The following RBFOX1 variants were observed in gnomAD, a reference collection of about 807,000 sequenced individuals.
RBFOX1 encodes RNA binding fox-1 homolog 1.
RBFOX1 carries 8 observed loss-of-function variants against 57.7 expected under a neutral mutation model. The ratio of observed to expected loss-of-function variants is 0.14; its 90% CI spans 0.08 to 0.25. RBFOX1 has a LOEUF of 0.25. RBFOX1 is among the 10% of genes least tolerant of loss of function. The pLI is 1.00. For synonymous variants in RBFOX1, 326 were observed against 222.4 expected (o/e 1.47, Z -4.15); for missense variants, 611 against 548.5 (o/e 1.11, Z -1.14).
chr16:5,906,662 G>A (rs2058463847), intron 4 of RBFOX1, among the ~76,000 whole-genome samples: 4 of 151,274 alleles, frequency 2.6e-5, no homozygotes, highest in African/African-American at 7.3e-5. Flanking sequence ...TTAACAGAGG[G>A]TTGGCTGCTG....
intron 1 of RBFOX1, among the ~76,000 whole-genome samples, chr16:6,201,810 CATG>C (rs1327196214): frequency 6.6e-6 from 1 of 152,092 alleles, no homozygotes; most frequent in Non-Finnish European, 1.5e-5. Context: ...ATTTTGTGTC[CATG>C]ATAATTAAAA....
At chr16:5,775,447 G>A (rs1469190451) in intron 3 of RBFOX1, among the ~76,000 whole-genome samples, 2 of 152,214 alleles carry the variant, frequency 1.3e-5, no homozygotes, top group Admixed American at 6.5e-5. Flanking sequence ...TCAGAAGGCA[G>A]GGGAAAGTAA....
At chr16:6,609,000 A>G (rs1304163187) in intron 2 of RBFOX1, among the ~76,000 whole-genome samples, 2 of 152,124 alleles carry the variant, frequency 1.3e-5, no homozygotes, top group Non-Finnish European at 2.9e-5. Flanking sequence ...CCTTTCTTCC[A>G]TCAGGTCACT....
rs142410878 is a variant in RBFOX1, at chr16:7,157,619, A to G, written c.27+105521A>G. Reference sequence around the variant, plus strand: ...CTGGGAGCTCTGAATTTCAAATATCATTGGTTATTTGATCTAAACTGGATT... The same window carrying G: ...CTGGGAGCTCTGAATTTCAAATATCGTTGGTTATTTGATCTAAACTGGATT... On this transcript the variant is annotated intron_variant, in intron 4 of 15. Coordinates refer to ENST00000550418, the MANE Select transcript of RBFOX1 (RefSeq NM_018723.4). Among the ~76,000 whole-genome samples, 14 of 152,146 alleles carry G rather than the reference A, an allele frequency of 9.2e-5. No individual in the cohort carries two copies. The East Asian group carries it at 2.7e-3, about 29-fold the overall frequency.
At chr16:6,494,527 T>C (rs951618157) in intron 2 of RBFOX1, among the ~76,000 whole-genome samples, 15 of 152,330 alleles carry the variant, frequency 9.8e-5, no homozygotes, top group African/African-American at 2.6e-4. Flanking sequence ...TGTACCTACA[T>C]TGTTACATCA....
In RBFOX1 at chr16:6,600,000, T is replaced by G. The variant is rs146746042; in HGVS notation, c.-63-54603T>G. Reference sequence around the variant, plus strand: ...TGCAACATGTTGTCCTATTGCCATCTTCTTCCCAAAGCCCAGATAACTGCA... The same window carrying G: ...TGCAACATGTTGTCCTATTGCCATCGTCTTCCCAAAGCCCAGATAACTGCA... On this transcript the variant is annotated intron_variant, in intron 2 of 15. Transcript: ENST00000550418. 1.1e-4 allele frequency among the ~76,000 whole-genome samples: 17 copies of G among 152,302 alleles called. No individual in the cohort carries two copies. The East Asian group carries it at 3.1e-3, about 28-fold the overall frequency.
chr16:5,754,554 A>G (rs1294407722), intron 3 of RBFOX1, among the ~76,000 whole-genome samples: 1 of 134,914 alleles, frequency 7.4e-6, no homozygotes, highest in Non-Finnish European at 1.6e-5. Flanking sequence ...GAGTTCCCTT[A>G]GTATTTATTG....
intron 4 of RBFOX1, among the ~76,000 whole-genome samples, chr16:5,954,153 TGTGTTTGCCTCA>T (rs1417479315): frequency 6.6e-6 from 1 of 152,132 alleles, no homozygotes; most frequent in Non-Finnish European, 1.5e-5. Flanking sequence ...CCTCTTCCCT[TGTGTTTGCCTCA>T]GTGTTTGTGG....
At chr16:6,665,975 G>A (rs1455974772) in intron 3 of RBFOX1, among the ~76,000 whole-genome samples, 1 of 152,068 alleles carries the variant, frequency 6.6e-6, no homozygotes, top group Non-Finnish European at 1.5e-5. Flanking sequence ...TGAATCATGG[G>A]TATGGTTTCC....
chr16:7,237,458 T>C (rs1019967066), intron 4 of RBFOX1, among the ~76,000 whole-genome samples: 7 of 152,220 alleles, frequency 4.6e-5, no homozygotes, highest in African/African-American at 1.7e-4. Flanking sequence ...GCTGCACAGA[T>C]TGTAACTCAT....
chr16:6,779,007 T>G (rs978777209), intron 3 of RBFOX1, among the ~76,000 whole-genome samples: 8 of 152,016 alleles, frequency 5.3e-5, no homozygotes, highest in African/African-American at 1.9e-4. Context: ...TTTTGTTGTT[T>G]TGCAAACATT....
rs987124632 is a variant in RBFOX1, at chr16:7,003,195, T to C, written c.-15-48862T>C. Among the ~76,000 whole-genome samples the C allele has an allele frequency of 4.6e-5, 7 of 152,202 alleles. No individual in the cohort carries two copies. In the East Asian group the frequency reaches 1.4e-3, roughly 30 times the overall value. Reference sequence around the variant, plus strand: ...GAGTTTCTGGGCCAGGCACGGTGGCTCACGCCTGTAATCCCAGCACTTTGG... The same window carrying C: ...GAGTTTCTGGGCCAGGCACGGTGGCCCACGCCTGTAATCCCAGCACTTTGG... On this transcript the variant is annotated intron_variant, in intron 3 of 15. Transcript: ENST00000550418.
chr16:7,040,315 G>A (rs374941337), intron 3 of RBFOX1, among the ~76,000 whole-genome samples: 23 of 152,066 alleles, frequency 1.5e-4, no homozygotes, highest in Middle Eastern at 3.4e-3. Flanking sequence ...CACCGTGCCC[G>A]GCTGAGTTAT....
At chr16:6,649,581 G>A (rs552668738) in intron 2 of RBFOX1, among the ~76,000 whole-genome samples, 3 of 152,170 alleles carry the variant, frequency 2.0e-5, no homozygotes, top group East Asian at 3.9e-4. Flanking sequence ...CTTCCTCATC[G>A]CTTAGCTCCC....
At chr16:5,393,398 T>G (rs1193086951) in intron 1 of RBFOX1, among the ~76,000 whole-genome samples, 1 of 152,204 alleles carries the variant, frequency 6.6e-6, no homozygotes, top group Admixed American at 6.5e-5. Context: ...AGAAGGTTGA[T>G]CTCCCTTCTG....
chr16:7,089,987 C>T (rs562906237), intron 4 of RBFOX1, among the ~76,000 whole-genome samples: 19 of 151,954 alleles, frequency 1.3e-4, no homozygotes, highest in African/African-American at 3.4e-4. Flanking sequence ...AATTAGCAAG[C>T]TAGCATTAAC....
At chr16:7,413,958 C>G (rs1190341302) in intron 4 of RBFOX1, among the ~76,000 whole-genome samples, 1 of 152,174 alleles carries the variant, frequency 6.6e-6, no homozygotes, top group Admixed American at 6.5e-5. Flanking sequence ...ACTTTCCAAA[C>G]TCCAAGGAGA....
At chr16:6,855,411 G>GCTCAA (rs1567574222) in intron 3 of RBFOX1, among the ~76,000 whole-genome samples, 1 of 152,080 alleles carries the variant, frequency 6.6e-6, no homozygotes, top group Non-Finnish European at 1.5e-5. Flanking sequence ...CAGCACTTTG[G>GCTCAA]GAGGGTGAGG....
chr16:6,327,935 T>C (rs964067343), intron 2 of RBFOX1, among the ~76,000 whole-genome samples: 36 of 152,284 alleles, frequency 2.4e-4, no homozygotes, highest in Non-Finnish European at 5.1e-4. Flanking sequence ...CAGTCTGCTT[T>C]TATGGGGCGT....
Sources: allele counts gnomAD v4.1 joint callset (sites outside exome capture counted in the v4.1 genomes callset), GRCh38; gene constraint gnomAD v4.1.1; transcripts MANE v1.5; gene names NCBI Gene and HGNC (gene_info 2026-07-23, HGNC 2026-07-21).